ARMC6: variants seen among roughly 807,000 people sequenced by gnomAD.
ARMC6 encodes the protein armadillo repeat containing 6.
In ARMC6, 43 loss-of-function variants were observed where a neutral mutation model predicts 49.2. The ratio of observed to expected loss-of-function variants is 0.87; its 90% CI spans 0.69 to 1.13. The LOEUF is 1.13. Among genes scored for constraint, ARMC6 ranks in the 50% most tolerant of loss-of-function variants. The probability of loss-of-function intolerance (pLI) is 0.00; values close to 1 mark genes in which losing one functional copy is unlikely to be tolerated. For missense variants in ARMC6, 627 were observed against 682.0 expected, an observed-to-expected ratio of 0.92 and a Z score of 0.90; for synonymous variants, 262 against 289.6, an observed-to-expected ratio of 0.90 and a Z score of 0.97.
chr19:19,055,916 G>C lies in ARMC6; in HGVS notation c.1281G>C (p.Lys427Asn), dbSNP rs753049335. Residue 427 changes from lysine to asparagine, a missense_variant, in exon 8 of 9, where the codon AAG (lysine) becomes AAC (asparagine). Coordinates refer to ENST00000535612, the MANE Select transcript of ARMC6 (RefSeq NM_001199196.2). This position sits in a 1 kb window ranked among gnomAD's most constrained non-coding sequence, Gnocchi z 5.7. ...AGGCCATGAAGGCACACCCGCAGAA[G>C]GCCGGCGTGCAGGTGGGCAGGGCAG... ...ALQAMKAHPQ[K>N]AGVQKQACML... is the part of the protein sequence containing the mutation. 105 of 1,610,316 alleles carry C rather than the reference G, an allele frequency of 6.5e-5. 1 individual carries two copies. Among genetic ancestry groups the C allele is most frequent in the Non-Finnish European group, 1.7e-6 (2 of 1,179,252 alleles).
intron 5 of ARMC6, among the ~76,000 whole-genome samples, chr19:19,053,641 TA>T (rs1047936626): frequency 1.3e-5 from 2 of 152,148 alleles, no homozygotes; most frequent in Non-Finnish European, 2.9e-5. Flanking sequence ...CAGCCCTGTG[TA>T]GGTGCAGGAT....
At chr19:19,052,833 G>A (rs1339299626) in intron 5 of ARMC6, among the ~76,000 whole-genome samples, 1 of 152,162 alleles carries the variant, frequency 6.6e-6, no homozygotes, top group Non-Finnish European at 1.5e-5. Flanking sequence ...GGGGGTTCTG[G>A]CTCTGTCTGC....
Position 19,034,316 on chromosome 19 carries a change from C to CT in ARMC6, c.29+79dup, listed in dbSNP as rs1480945634. The CT allele has an allele frequency of 4.7e-5, 71 of 1,523,446 alleles. 1 individual carries two copies. In the Middle Eastern group the frequency reaches 1.7e-3, roughly 36 times the overall value. 94.4% of individuals were successfully genotyped at this position (1,523,446 alleles called of 1,614,324 possible). A position where few individuals can be genotyped will look rare whatever the true frequency, so the allele number is the denominator to read the frequency against. ...CTTTATCTAGAAGTGGTTTTGAAGG[C>CT]TGTCTCTTGAGTGCTGGGAAGGATG... On this transcript the variant is annotated intron_variant, in intron 2 of 8. Coordinates refer to ENST00000535612, the MANE Select transcript of ARMC6 (RefSeq NM_001199196.2).
intron 2 of ARMC6, among the ~76,000 whole-genome samples, chr19:19,040,281 C>T (rs1048022222): frequency 2.0e-5 from 3 of 152,300 alleles, no homozygotes; most frequent in Admixed American, 1.3e-4. Context: ...ATCAGTTTTA[C>T]ACCTGATGGT....
At chr19:19,043,273 G>A (rs536959010) in intron 3 of ARMC6, among the ~76,000 whole-genome samples, 31 of 152,292 alleles carry the variant, frequency 2.0e-4, no homozygotes, top group South Asian at 2.1e-4. Context: ...TGGTTATGAG[G>A]GGCTGTTTGC....
intron 8 of ARMC6, among the ~76,000 whole-genome samples, chr19:19,056,814 GGGCCTTT>G (rs1397420877): frequency 6.6e-6 from 1 of 152,168 alleles, no homozygotes; most frequent in Non-Finnish European, 1.5e-5. Context: ...GACCCACAGG[GGGCCTTT>G]GCTCTCGCTG....
At chr19:19,036,258 C>G (rs748982002) in intron 2 of ARMC6, among the ~76,000 whole-genome samples, 15 of 152,082 alleles carry the variant, frequency 9.9e-5, no homozygotes, top group Non-Finnish European at 1.2e-4. Context: ...GACGGGGTTT[C>G]GCCATGTTGG....
chr19:19,057,320 T>A, intron 8 of ARMC6, 96 bp from the exon 9 acceptor site: 1 of 1,042,080 alleles, frequency 9.6e-7, no homozygotes. Flanking sequence ...GCTGTGGTTA[T>A]GATCACCTCC....
At chr19:19,036,640 C>G (rs1027958951) in intron 2 of ARMC6, among the ~76,000 whole-genome samples, 2 of 152,176 alleles carry the variant, frequency 1.3e-5, no homozygotes, top group Non-Finnish European at 2.9e-5. Flanking sequence ...AAATCCATAG[C>G]AGCCCTTAAA....
chr19:19,054,312 C>A lies in ARMC6; in HGVS notation c.1014C>A (p.Ser338Arg). 6.3e-7 allele frequency: 1 copy of A among 1,583,928 alleles called. No individual in the cohort carries two copies. The highest frequency in any genetic ancestry group is 8.6e-7 in the Non-Finnish European group (1 of 1,164,918). ...ATGACCACCAGATGAGGGACCAGAG[C>A]GGCGTTCAGGTATGAAGTCCCCCTG... ...DCNDHQMRDQ[S>R]GVQELVKQVL... is the part of the protein sequence containing the mutation. The change falls in exon 6 of 9, where the codon AGC (serine) becomes AGA (arginine). Residue 338 changes from serine (S) to arginine (R), a missense_variant. Transcript: ENST00000535612.
intron 2 of ARMC6, among the ~76,000 whole-genome samples, chr19:19,039,906 G>A (rs1273529255): frequency 6.6e-6 from 1 of 152,162 alleles, no homozygotes; most frequent in African/African-American, 2.4e-5. Context: ...CATCCCCATG[G>A]TGTTGGTTAA....
At chr19:19,045,019 T>C (rs565128070) in intron 4 of ARMC6, among the ~76,000 whole-genome samples, 27 of 152,286 alleles carry the variant, frequency 1.8e-4, no homozygotes, top group African/African-American at 6.3e-4. Context: ...TATATATTTA[T>C]TTATCTATTG....
Position 19,055,526 on chromosome 19 carries a change from T to C in ARMC6, c.1155+130T>C. ...GCTGGTGAGGGTCGTGGGCATTGGC[T>C]CTCAAATGCTGACCTGCGTATGCAT... On this transcript the variant is annotated intron_variant, in intron 7 of 8. Transcript: ENST00000535612. The surrounding 1 kb of genome is among the most constrained non-coding windows in gnomAD (Gnocchi z 5.7). The C allele has an allele frequency of 7.5e-7, 1 of 1,336,722 alleles. No homozygotes were observed. Among genetic ancestry groups the C allele is most frequent in the Non-Finnish European group, 1.0e-6 (1 of 997,648 alleles). 82.8% of individuals were successfully genotyped at this position (1,336,722 alleles called of 1,614,324 possible).
intron 2 of ARMC6, among the ~76,000 whole-genome samples, chr19:19,036,391 C>T (rs1437782423): frequency 6.6e-6 from 1 of 152,156 alleles, no homozygotes; most frequent in East Asian, 1.9e-4. Context: ...AACGTTAGGG[C>T]AGAGAGAGCA....
intron 2 of ARMC6, among the ~76,000 whole-genome samples, chr19:19,042,324 T>C (rs1385586684): frequency 6.6e-6 from 1 of 152,186 alleles, no homozygotes; most frequent in Non-Finnish European, 1.5e-5. Flanking sequence ...AGATAAAATG[T>C]AGTAAACTCT....
At chr19:19,049,260 C>G (rs2059477217) in intron 4 of ARMC6, among the ~76,000 whole-genome samples, 1 of 151,882 alleles carries the variant, frequency 6.6e-6, no homozygotes, top group South Asian at 2.1e-4. Context: ...ACCACGTTGC[C>G]CAGGCTGGTC....
chr19:19,034,767 T>G (rs1220448298), intron 2 of ARMC6, among the ~76,000 whole-genome samples: 1 of 151,820 alleles, frequency 6.6e-6, no homozygotes, highest in Non-Finnish European at 1.5e-5. Flanking sequence ...TTTTGTATTT[T>G]TTTTTTTTTT....
chr19:19,041,330 T>C (rs1296608652), intron 2 of ARMC6, among the ~76,000 whole-genome samples: 1 of 152,204 alleles, frequency 6.6e-6, no homozygotes, highest in South Asian at 2.1e-4. Context: ...AGATTTTTTT[T>C]CTCAACTTTA....
chr19:19,054,737 G>T (rs917973875), intron 6 of ARMC6, among the ~76,000 whole-genome samples: 1 of 152,160 alleles, frequency 6.6e-6, no homozygotes, highest in African/African-American at 2.4e-5. Flanking sequence ...AGCTGCAGCT[G>T]CAGGAAAGCC....
Sources: gnomAD v4.1 joint callset for allele counts (sites outside exome capture counted in the v4.1 genomes callset) on GRCh38, gnomAD v4.1.1 for gene constraint, Gnocchi (gnomAD v3.1) non-coding constraint, MANE v1.5 for transcripts, NCBI Gene and HGNC (gene_info 2026-07-23, HGNC 2026-07-21) for gene names.